The following TMCC1 variants were observed in gnomAD, a reference collection of about 807,000 sequenced individuals.
TMCC1 encodes the protein transmembrane and coiled-coil domains protein 1.
In TMCC1, 15 loss-of-function variants were observed where a neutral mutation model predicts 52.4. That is an observed-to-expected ratio of 0.29 (90% CI 0.19 to 0.44). TMCC1 has a LOEUF of 0.44. Among genes scored for constraint, TMCC1 ranks in the 20% least tolerant of loss-of-function variants. The pLI, the probability that TMCC1 is intolerant of heterozygous loss-of-function variation, is 1.00. For missense variants in TMCC1, 503 were observed against 806.0 expected (o/e 0.62, Z 4.55); for synonymous variants, 279 against 301.9 (o/e 0.92, Z 0.79).
At chr3:129,668,541 A>G (rs2087655894) in intron 5 of TMCC1, among the ~76,000 whole-genome samples, 1 of 152,206 alleles carries the variant, frequency 6.6e-6, no homozygotes, top group Admixed American at 6.5e-5. Context: ...ACAAAGACAC[A>G]GGTGTTTTAC....
At position 129,817,796 on chromosome 3, in the gene TMCC1, C is replaced by T. The variant is rs368081570; in HGVS notation, c.576+10007G>A. ...CCAAGGAGCTGGAATTACAGGTGTG[C>T]ACCACCACACCCAGCTAATTTTTTT... is the stretch of plus-strand genomic sequence containing the variant. On this transcript the variant is annotated intron_variant, in intron 4 of 6. Transcript: ENST00000393238. Among the ~76,000 whole-genome samples, 10 of 152,016 alleles carry T rather than the reference C, an allele frequency of 6.6e-5. No individual in the cohort carries two copies. The East Asian group carries it at 1.4e-3, about 21-fold the overall frequency.
chr3:129,740,918 T>C (rs975999435), intron 4 of TMCC1, among the ~76,000 whole-genome samples: 3 of 152,180 alleles, frequency 2.0e-5, no homozygotes, highest in African/African-American at 7.2e-5. Context: ...GTTAATCAGA[T>C]AGCATATACC....
At chr3:129,712,001 CAA>C (rs71155567) in intron 4 of TMCC1, among the ~76,000 whole-genome samples, 3 of 47,722 alleles carry the variant, frequency 6.3e-5, no homozygotes. Context: ...GACTCTGTCT[CAA>C]AAAAAAAAAA....
intron 2 of TMCC1, among the ~76,000 whole-genome samples, chr3:129,860,016 A>C (rs372094318): frequency 6.6e-6 from 1 of 152,344 alleles, no homozygotes; most frequent in East Asian, 1.9e-4. Flanking sequence ...GCACCAAAGC[A>C]AGGGTTTCAG....
At chr3:129,733,379 T>C (rs767393725) in intron 4 of TMCC1, among the ~76,000 whole-genome samples, 5 of 152,242 alleles carry the variant, frequency 3.3e-5, no homozygotes, top group Non-Finnish European at 7.3e-5. Flanking sequence ...TTCTCTGCTT[T>C]CTTACCTTGG....
chr3:129,773,209 T>C (rs1044403607), intron 4 of TMCC1, among the ~76,000 whole-genome samples: 1 of 152,238 alleles, frequency 6.6e-6, no homozygotes, highest in East Asian at 1.9e-4. Context: ...TACTTCTCTA[T>C]GTTGCTAAAG....
intron 2 of TMCC1, among the ~76,000 whole-genome samples, chr3:129,861,842 C>G (rs2060412420): frequency 6.6e-6 from 1 of 152,192 alleles, no homozygotes; most frequent in Admixed American, 6.5e-5. Flanking sequence ...AAAGAGTTAC[C>G]ATATTTCCTA....
intron 4 of TMCC1, among the ~76,000 whole-genome samples, chr3:129,780,358 T>C (rs1447124789): frequency 6.6e-6 from 1 of 152,064 alleles, no homozygotes; most frequent in Non-Finnish European, 1.5e-5. Context: ...GAACCTATAG[T>C]TGTATAACCA....
chr3:129,854,181 C>T (rs62265589), intron 2 of TMCC1, among the ~76,000 whole-genome samples: 3 of 151,958 alleles, frequency 2.0e-5, no homozygotes, highest in African/African-American at 7.3e-5. Flanking sequence ...CACTTGAGGT[C>T]CTGAGTTCGA....
chr3:129,813,673 C>T (rs2057949273), intron 4 of TMCC1, among the ~76,000 whole-genome samples: 2 of 151,918 alleles, frequency 1.3e-5, no homozygotes, highest in South Asian at 2.1e-4. Context: ...GGGTGAGGAT[C>T]GAAAAACTAC....
chr3:129,844,828 A>C (rs2059585150), intron 2 of TMCC1, among the ~76,000 whole-genome samples: 1 of 152,236 alleles, frequency 6.6e-6, no homozygotes, highest in Admixed American at 6.5e-5. Context: ...CCTGTGACCC[A>C]AAAATTAGAC....
chr3:129,825,214 T>C (rs1029449172), intron 4 of TMCC1, among the ~76,000 whole-genome samples: 1 of 152,228 alleles, frequency 6.6e-6, no homozygotes, highest in Non-Finnish European at 1.5e-5. Context: ...CATTACTAGT[T>C]TTGCTTACAG....
At chr3:129,739,655 T>C (rs1332782212) in intron 4 of TMCC1, among the ~76,000 whole-genome samples, 1 of 152,188 alleles carries the variant, frequency 6.6e-6, no homozygotes, top group Non-Finnish European at 1.5e-5. Flanking sequence ...AAATATTAAG[T>C]ATCTAATCTC....
At position 129,649,065 on chromosome 3, in the gene TMCC1, TGATA is replaced by T. The variant is rs965864937; in HGVS notation, c.*2412_*2415del. The T allele has an allele frequency of 9.5e-4, 145 of 152,308 alleles. No individual in the cohort carries two copies. The highest frequency in any genetic ancestry group is 3.2e-3 in the African/African-American group (134 of 41,574). 9.4% of individuals were successfully genotyped at this position (152,308 alleles called of 1,614,324 possible). ...CTTTCTACAGGTGAAAACCTTCCTT[TGATA>T]GATAGAAACCGTCCCAGGGCAAATA... On this transcript the variant is annotated 3_prime_UTR_variant, in exon 7 of 7. Transcript: ENST00000393238.
intron 4 of TMCC1, among the ~76,000 whole-genome samples, chr3:129,721,803 G>C (rs2049625175): frequency 6.6e-6 from 1 of 152,006 alleles, no homozygotes; most frequent in African/African-American, 2.4e-5. Context: ...GTGAACCCAG[G>C]AGGCAGAGCT....
At chr3:129,758,717 T>G (rs1342007846) in intron 4 of TMCC1, among the ~76,000 whole-genome samples, 1 of 152,254 alleles carries the variant, frequency 6.6e-6, no homozygotes, top group Non-Finnish European at 1.5e-5. Context: ...CCTAACCGTT[T>G]CTAAGTATAT....
chr3:129,764,558 G>C (rs2053916702), intron 4 of TMCC1, among the ~76,000 whole-genome samples: 1 of 151,922 alleles, frequency 6.6e-6, no homozygotes, highest in Admixed American at 6.6e-5. Flanking sequence ...CTGTCAAGCA[G>C]AACTGTAATC....
chr3:129,670,301 A>G (rs2087815020), intron 5 of TMCC1, 29 bp downstream of exon 5: 3 of 1,590,832 alleles, frequency 1.9e-6, no homozygotes, highest in Non-Finnish European at 2.6e-6. Flanking sequence ...TACACAAATA[A>G]TTTCAGATAT....
intron 2 of TMCC1, among the ~76,000 whole-genome samples, chr3:129,872,264 G>T (rs1158097880): frequency 1.3e-5 from 2 of 152,104 alleles, no homozygotes; most frequent in African/African-American, 4.8e-5. Flanking sequence ...AGACACACTT[G>T]GAGTGAGGGG....
Sources: gnomAD v4.1 joint callset for allele counts (sites outside exome capture counted in the v4.1 genomes callset) on GRCh38, gnomAD v4.1.1 for gene constraint, MANE v1.5 for transcripts, NCBI Gene and HGNC (gene_info 2026-07-23, HGNC 2026-07-21) for gene names.